The following CHD1 variants were observed in gnomAD, a reference collection of about 807,000 sequenced individuals.
CHD1 encodes chromodomain helicase DNA binding protein 1.
Under a neutral mutation model 224.2 loss-of-function variants are expected in CHD1, and 36 were observed. The observed-to-expected ratio is 0.16, with a 90% CI of 0.12 to 0.21. CHD1 has a LOEUF of 0.21. Among genes scored for constraint, CHD1 ranks in the 10% least tolerant of loss-of-function variants. The pLI, the probability that CHD1 is intolerant of heterozygous loss-of-function variation, is 1.00. For missense variants in CHD1, 1,378 were observed against 1,994.8 expected (o/e 0.69, Z 5.89); for synonymous variants, 668 against 658.3 (o/e 1.01, Z -0.23).
chr5:98,874,986 A>C (rs7718898), intron 25 of CHD1, 86 bp downstream of exon 25: 212,815 of 719,840 alleles, frequency 0.3, 32,859 homozygotes, highest in South Asian at 0.41. Context: ...TTAACAAAGT[A>C]GCTAAACTGA....
intron 31 of CHD1, among the ~76,000 whole-genome samples, chr5:98,864,010 G>T (rs974333156): frequency 6.6e-6 from 1 of 152,148 alleles, no homozygotes; most frequent in Non-Finnish European, 1.5e-5. Context: ...AATATAGCTA[G>T]ATATATAAAC....
chr5:98,927,949 A>T (rs1753590070), intron 1 of CHD1, among the ~76,000 whole-genome samples: 3 of 152,068 alleles, frequency 2.0e-5, no homozygotes, highest in African/African-American at 7.2e-5. Context: ...AAACCTCTTC[A>T]ATCCTCTGTC....
rs114390618 is a variant in CHD1 at position 98,917,498 on chromosome 5, C to T, written c.53+8836G>A. On this transcript the variant is annotated intron_variant, in intron 2 of 35. Coordinates refer to ENST00000614616, the MANE Select transcript of CHD1 (RefSeq NM_001270.4). The stretch of plus-strand genomic sequence containing the variant: ...TTAAAGGAACTCAAATTTTAGAATC[C>T]CATGATATCTACCACGTAGTAGTTG... Among the ~76,000 whole-genome samples, 827 of 152,186 alleles carry T rather than the reference C, an allele frequency of 5.4e-3. 8 individuals are homozygous for T. Among genetic ancestry groups the T allele is most frequent in the African/African-American group, 0.019 (785 of 41,490 alleles).
At chr5:98,900,445 T>C (rs1444104748) in intron 7 of CHD1, among the ~76,000 whole-genome samples, 1 of 150,636 alleles carries the variant, frequency 6.6e-6, no homozygotes, top group South Asian at 2.1e-4. Flanking sequence ...CTTTACCTTT[T>C]TTTTTTTTTT....
intron 1 of CHD1, among the ~76,000 whole-genome samples, chr5:98,928,318 C>A (rs1489017832): frequency 1.3e-5 from 2 of 152,058 alleles, no homozygotes; most frequent in African/African-American, 2.4e-5. Flanking sequence ...GCAGGGCCGC[C>A]GGGCCGGCGC....
intron 31 of CHD1, 138 bp downstream of exon 31, chr5:98,868,357 C>G (rs1228038062): frequency 4.9e-6 from 3 of 617,002 alleles, no homozygotes; most frequent in East Asian, 7.0e-5. Context: ...AAAAAGACAC[C>G]CTTCAAATTT....
rs1434823250 is a variant in CHD1 at position 98,855,991 on chromosome 5, G to C, written c.*389C>G. 1 of 157,750 alleles carries C rather than the reference G, an allele frequency of 6.3e-6. No homozygotes were observed. Among genetic ancestry groups the C allele is most frequent in the Non-Finnish European group, 1.4e-5 (1 of 71,038 alleles). The allele number at this position is 157,750 out of a possible 1,614,324, so 9.8% of individuals were successfully genotyped here. On this transcript the variant is annotated 3_prime_UTR_variant, in exon 36 of 36. Transcript: ENST00000614616. ...AAAGAACTCTCTTTCATTCCTTCCTGAAACATGATCACAGGTCAGAGTAAA... is the reference window on the plus strand; with the variant it reads ...AAAGAACTCTCTTTCATTCCTTCCTCAAACATGATCACAGGTCAGAGTAAA...
At chr5:98,927,784 G>A (rs1354225383) in intron 1 of CHD1, among the ~76,000 whole-genome samples, 1 of 151,960 alleles carries the variant, frequency 6.6e-6, no homozygotes, top group Non-Finnish European at 1.5e-5. Context: ...CCCTCAAAAT[G>A]GCTTTCTCTG....
At chr5:98,875,136 T>C in intron 24 of CHD1, 23 bp from the exon 25 acceptor site, 1 of 1,429,990 alleles carries the variant, frequency 7.0e-7, no homozygotes, top group East Asian at 2.3e-5. Context: ...AATTGTTTGG[T>C]AAATGTGAGC....
chr5:98,856,390 C>T lies in CHD1; in HGVS notation c.5123G>A (p.Arg1708Gln), dbSNP rs1293161341. ...AAGTATCAGTTTTTGTTATGTTTTC[C>T]GACTACTCCAGGTATGCTCCGGTGT... ...KSTPEHTWSS[R>Q]KT is the part of the protein sequence containing the mutation. Residue 1708 changes from arginine to glutamine, a missense_variant, in exon 36 of 36, where the codon CGG (arginine) becomes CAG (glutamine). Around this residue, in one of 16 missense-constraint regions of CHD1, gnomAD observed 278 missense variants for 298.5 expected, o/e 0.93. Coordinates refer to ENST00000614616, the MANE Select transcript of CHD1 (RefSeq NM_001270.4). 3.7e-6 allele frequency: 6 copies of T among 1,606,438 alleles called. No individual in the cohort carries two copies. Among genetic ancestry groups the T allele is most frequent in the South Asian group, 2.2e-5 (2 of 90,910 alleles).
At position 98,872,477 on chromosome 5, in the gene CHD1, T is replaced by C. The variant is rs1015997137; in HGVS notation, c.3650A>G (p.His1217Arg). The C allele has an allele frequency of 1.9e-6, 3 of 1,613,470 alleles. No individual in the cohort carries two copies. Among genetic ancestry groups the C allele is most frequent in the African/African-American group, 2.7e-5 (2 of 74,918 alleles). The stretch of plus-strand genomic sequence containing the variant: ...GTGCAAAGGTATTAATTCTTCTTCA[T>C]GGGAGATGACTAGTTTGGCATTCAC... The part of the protein sequence containing the change: ...VQVNAKLVIS[H>R]EEELIPLHKS... Residue 1217 changes from histidine to arginine, a missense_variant, in exon 27 of 36, where the codon CAT becomes CGT. His to Arg is a conservative substitution (Grantham distance 29, BLOSUM62 0). Coordinates refer to ENST00000614616, the MANE Select transcript of CHD1 (RefSeq NM_001270.4).
At chr5:98,858,427 AAAT>A (rs775242640) in intron 34 of CHD1, 37 bp from the exon 35 acceptor site, 1 of 1,546,628 alleles carries the variant, frequency 6.5e-7, no homozygotes, top group Non-Finnish European at 8.9e-7. Context: ...ATGACCTTAA[AAAT>A]AATGTGGCAA....
chr5:98,871,369 CAAAAAAAAAAAAAAAAA>C (rs61406690), intron 28 of CHD1, among the ~76,000 whole-genome samples: 54 of 46,774 alleles, frequency 1.2e-3, no homozygotes, highest in Middle Eastern at 0.012. Flanking sequence ...CCATTTTAGG[CAAAAAAAAAAAAAAAAA>C]AAAAAAAAAA....
Position 98,896,389 on chromosome 5 carries a change from G to T in CHD1, c.1547C>A (p.Thr516Lys). 6.2e-7 allele frequency: 1 copy of T among 1,613,844 alleles called. No homozygotes were observed. Among genetic ancestry groups the T allele is most frequent in the Non-Finnish European group, 8.5e-7 (1 of 1,179,892 alleles). The part of the protein sequence containing the change: ...DEMGLGKTIQ[T>K]ISFLNYLFHE... ...AAACAAATAATTCAGAAATGAGATC[G>T]TCTGTATTGTTTTTCCAAGGCCCAT... The change falls in exon 12 of 36, where the codon ACG becomes AAG. Residue 516 changes from threonine to lysine, a missense_variant. Thr to Lys is a moderately conservative substitution (Grantham distance 78). This residue lies in a region of CHD1 where 49 missense variants were observed against 135.7 expected (regional missense o/e 0.36). Coordinates refer to ENST00000614616, the MANE Select transcript of CHD1 (RefSeq NM_001270.4).
At chr5:98,871,525 G>A (rs1749346624) in intron 28 of CHD1, among the ~76,000 whole-genome samples, 1 of 151,814 alleles carries the variant, frequency 6.6e-6, no homozygotes, top group Admixed American at 6.6e-5. Context: ...TGATGAATGG[G>A]TACAAATATA....
chr5:98,918,770 A>AAC (rs1491398596), intron 2 of CHD1, among the ~76,000 whole-genome samples: 1 of 81,670 alleles, frequency 1.2e-5, no homozygotes, highest in African/African-American at 4.7e-5. Context: ...AAAAAAAAAC[A>AAC]AAAAAAAAAA....
At chr5:98,919,313 C>A (rs573531643) in intron 2 of CHD1, among the ~76,000 whole-genome samples, 33 of 152,226 alleles carry the variant, frequency 2.2e-4, no homozygotes, top group Non-Finnish European at 3.8e-4. Flanking sequence ...TTTTAAAAAT[C>A]AACCAGTATG....
At chr5:98,865,397 T>C (rs7702910) in intron 31 of CHD1, among the ~76,000 whole-genome samples, 1,947 of 152,310 alleles carry the variant, frequency 0.013, 39 homozygotes, top group African/African-American at 0.044. Context: ...GGTGTGACTT[T>C]ATTCTCCCTC....
chr5:98,879,479 G>A (rs1032019345), intron 23 of CHD1, 73 bp downstream of exon 23: 160 of 1,372,068 alleles, frequency 1.2e-4, no homozygotes, highest in Non-Finnish European at 1.4e-4. Context: ...CTGATACCTC[G>A]TAGAAACAAA....
Sources: allele counts gnomAD v4.1 joint callset (sites outside exome capture counted in the v4.1 genomes callset), GRCh38; gene constraint gnomAD v4.1.1; regional missense constraint gnomAD v4.1.1; transcripts MANE v1.5; gene names NCBI Gene and HGNC (gene_info 2026-07-23, HGNC 2026-07-21).